The following TEX11 variants were observed in gnomAD, a reference collection of about 807,000 sequenced individuals.
TEX11 encodes the protein testis-expressed protein 11.
Under a neutral mutation model 84.4 loss-of-function variants are expected in TEX11, and 7 were observed. The observed-to-expected ratio is 0.08, with a 90% CI of 0.05 to 0.16. TEX11 has a LOEUF of 0.16. Ranked by LOEUF, TEX11 falls within the 10% of genes least tolerant of loss-of-function variation. The pLI, the probability that TEX11 is intolerant of heterozygous loss-of-function variation, is 1.00. For missense variants in TEX11, 551 were observed against 660.5 expected, an observed-to-expected ratio of 0.83 and a Z score of 1.82; for synonymous variants, 264 against 222.8, an observed-to-expected ratio of 1.18 and a Z score of -1.64.
intron 13 of TEX11, among the ~76,000 whole-genome samples, chrX:70,716,597 G>A (rs1311273362): frequency 8.9e-6 from 1 of 112,659 alleles, no homozygotes; most frequent in Non-Finnish European, 1.9e-5. Context: ...ACCATTCGCG[G>A]GATATAATCT....
chrX:70,652,331 A>G (rs1400034254), intron 16 of TEX11, among the ~76,000 whole-genome samples: 4 of 111,876 alleles, frequency 3.6e-5, no homozygotes, highest in African/African-American at 1.3e-4. Context: ...TAATTTTTCA[A>G]GAACCATGAG....
At chrX:70,734,315 GAAA>G (rs950578809) in intron 11 of TEX11, among the ~76,000 whole-genome samples, 2 of 107,005 alleles carry the variant, frequency 1.9e-5, no homozygotes, top group Non-Finnish European at 3.9e-5. Flanking sequence ...TAAAAAAAAA[GAAA>G]AAAAAAGAAA....
intron 4 of TEX11, among the ~76,000 whole-genome samples, chrX:70,872,054 C>T (rs1004439096): frequency 5.4e-5 from 6 of 110,972 alleles, no homozygotes; most frequent in African/African-American, 2.0e-4. Flanking sequence ...GTGACACCCA[C>T]TTCATCTACC....
At chrX:70,514,359 G>A in the TEX11 span, among the ~76,000 whole-genome samples, 159 of 110,952 alleles carry the variant, frequency 1.4e-3, no homozygotes, top group African/African-American at 5.0e-3. Flanking sequence ...CACTTTGGGA[G>A]GCTGAGGCGG....
intron 9 of TEX11, among the ~76,000 whole-genome samples, chrX:70,748,675 G>T (rs1343947795): frequency 3.9e-5 from 4 of 102,563 alleles, no homozygotes; most frequent in African/African-American, 1.4e-4. Flanking sequence ...TATTAAATAG[G>T]TAATCCTTTC....
At chrX:70,535,384 A>T (rs2087942871) in intron 28 of TEX11, among the ~76,000 whole-genome samples, 1 of 112,132 alleles carries the variant, frequency 8.9e-6, no homozygotes, top group Admixed American at 9.5e-5. Context: ...GGAAGCTGCC[A>T]GACTTTTTCA....
At chrX:70,772,029 G>A (rs1382704210) in intron 9 of TEX11, among the ~76,000 whole-genome samples, 2 of 111,548 alleles carry the variant, frequency 1.8e-5, no homozygotes, top group Non-Finnish European at 3.8e-5. Flanking sequence ...CCAAGTTCAT[G>A]GCCTGCCTCA....
At chrX:70,582,582 G>A (rs1212360415) in intron 25 of TEX11, among the ~76,000 whole-genome samples, 1 of 110,908 alleles carries the variant, frequency 9.0e-6, no homozygotes, top group Non-Finnish European at 1.9e-5. Flanking sequence ...AATTCTCTGA[G>A]CTTTATGTTG....
chrX:70,563,200 G>A (rs1427105789), intron 25 of TEX11, among the ~76,000 whole-genome samples: 1 of 111,495 alleles, frequency 9.0e-6, no homozygotes, highest in Non-Finnish European at 1.9e-5. Context: ...CTTTCCAGAT[G>A]AGAAGATTAT....
chrX:70,717,599 G>A (rs746209580), intron 13 of TEX11, among the ~76,000 whole-genome samples: 6 of 111,415 alleles, frequency 5.4e-5, no homozygotes, highest in African/African-American at 1.3e-4. Context: ...AATTACAGGC[G>A]TAAGCCACCA....
At chrX:70,742,271 A>C (rs1467669459) in intron 10 of TEX11, among the ~76,000 whole-genome samples, 3 of 109,867 alleles carry the variant, frequency 2.7e-5, no homozygotes, top group African/African-American at 9.9e-5. Flanking sequence ...TATAGGTGAG[A>C]ACATCCATAT....
chrX:70,736,031 CA>C (rs1284213470), intron 11 of TEX11, among the ~76,000 whole-genome samples: 1 of 111,102 alleles, frequency 9.0e-6, no homozygotes, highest in Non-Finnish European at 1.9e-5. Context: ...ATATGATTTG[CA>C]AATATGTTCT....
At chrX:70,736,780 A>C (rs758539751) in intron 11 of TEX11, among the ~76,000 whole-genome samples, 8 of 112,009 alleles carry the variant, frequency 7.1e-5, no homozygotes, top group Admixed American at 1.9e-4. Flanking sequence ...TAGGATTCTA[A>C]AAACTTAACA....
intron 28 of TEX11, among the ~76,000 whole-genome samples, chrX:70,548,802 G>T (rs1043100437): frequency 5.4e-5 from 6 of 111,839 alleles, no homozygotes; most frequent in African/African-American, 1.6e-4. Context: ...AGTGCTCTGG[G>T]GTTCTAAATA....
chrX:70,881,511 G>A (rs1160783074), intron 2 of TEX11, among the ~76,000 whole-genome samples: 1 of 110,368 alleles, frequency 9.1e-6, no homozygotes, highest in African/African-American at 3.3e-5. Context: ...ATTCATAACA[G>A]TACTATAAAA....
chrX:70,753,818 C>T (rs984660277), intron 9 of TEX11, among the ~76,000 whole-genome samples: 7 of 109,955 alleles, frequency 6.4e-5, no homozygotes, highest in Non-Finnish European at 1.3e-4. Flanking sequence ...TCCTAGCTCC[C>T]GGACATTTCT....
intron 4 of TEX11, among the ~76,000 whole-genome samples, chrX:70,871,094 A>C (rs1000055047): frequency 1.8e-5 from 2 of 111,870 alleles, no homozygotes; most frequent in Non-Finnish European, 3.8e-5. Flanking sequence ...TGTATTTTTA[A>C]TAGAGACGGG....
intron 13 of TEX11, among the ~76,000 whole-genome samples, chrX:70,684,848 C>T (rs1233753102): frequency 9.0e-6 from 1 of 111,175 alleles, no homozygotes; most frequent in African/African-American, 3.3e-5. Context: ...GCCAAAGCAA[C>T]CTTAAAAACA....
intron 9 of TEX11, among the ~76,000 whole-genome samples, chrX:70,784,481 G>T (rs888090608): frequency 9.0e-6 from 1 of 111,505 alleles, no homozygotes; most frequent in Non-Finnish European, 1.9e-5. Flanking sequence ...TCTGGCTAGG[G>T]CAATTAGGCA....
Sources: allele counts gnomAD v4.1 joint callset (sites outside exome capture counted in the v4.1 genomes callset), GRCh38; gene constraint gnomAD v4.1.1; transcripts MANE v1.5; gene names NCBI Gene and HGNC (gene_info 2026-07-23, HGNC 2026-07-21).